Variants in ISLR2 observed in about 807,000 individuals in gnomAD.
ISLR2 encodes immunoglobulin superfamily containing leucine-rich repeat protein 2.
Under a neutral mutation model 25.5 loss-of-function variants are expected in ISLR2, and 16 were observed. The ratio of observed to expected loss-of-function variants is 0.63; its 90% CI spans 0.43 to 0.95. The LOEUF (loss-of-function observed/expected upper bound fraction) is 0.95, where lower values mean the gene tolerates loss of function less well. Among genes scored for constraint, ISLR2 ranks in the 40% least tolerant of loss-of-function variants. The pLI, the probability that ISLR2 is intolerant of heterozygous loss-of-function variation, is 0.00. For synonymous variants in ISLR2, 508 were observed against 486.6 expected (o/e 1.04, Z -0.58); for missense variants, 883 against 1,030.7 (o/e 0.86, Z 1.96).
At chr15:74,112,317 A>C (rs1189992176) in intron 2 of ISLR2, among the ~76,000 whole-genome samples, 2 of 152,198 alleles carry the variant, frequency 1.3e-5, no homozygotes, top group Non-Finnish European at 2.9e-5. Context: ...TAGGAAGCCC[A>C]GTTAAATTTA....
At chr15:74,131,066 G>C (rs2072404557) in intron 1 of ISLR2, 141 bp from the exon 2 acceptor site, 1 of 152,512 alleles carries the variant, frequency 6.6e-6, no homozygotes, top group South Asian at 2.1e-4. Flanking sequence ...CCGGGAGTGC[G>C]CAAGGACTTT....
chr15:74,134,711 G>A lies in ISLR2; in HGVS notation c.1957G>A (p.Glu653Lys), dbSNP rs756910759. The change falls in exon 3 of 3, where the codon GAG (glutamate) becomes AAG (lysine). Residue 653 changes from glutamate to lysine, a missense_variant. Coordinates refer to ENST00000453268, the MANE Select transcript of ISLR2 (RefSeq NM_020851.3). ...CTTCGACCCGCGTGCTTCGTACCTC[G>A]AGTCCGAGAAAAGCTACCCGGCAGG... ...ADFDPRASYL[E>K]SEKSYPAGGE... is the part of the protein sequence containing the mutation. 1 of 1,614,102 alleles carries A rather than the reference G, an allele frequency of 6.2e-7. No individual in the cohort carries two copies. Among genetic ancestry groups the A allele is most frequent in the Non-Finnish European group, 8.5e-7 (1 of 1,180,010 alleles).
At chr15:74,109,102 A>G (rs542150444) in intron 2 of ISLR2, among the ~76,000 whole-genome samples, 1 of 152,386 alleles carries the variant, frequency 6.6e-6, no homozygotes, top group East Asian at 1.9e-4. Flanking sequence ...ACAAAAGACC[A>G]GCAAACACCT....
chr15:74,132,960 G>A lies in ISLR2; in HGVS notation c.206G>A (p.Gly69Glu). The A allele has an allele frequency of 6.2e-7, 1 of 1,614,050 alleles. No individual in the cohort carries two copies. Among genetic ancestry groups the A allele is most frequent in the South Asian group, 1.1e-5 (1 of 91,086 alleles). ...SANKITVLRRGAFADVTQVTS... is the reference protein window; with the variant it reads ...SANKITVLRREAFADVTQVTS... ...AACAAGATCACTGTGCTGCGGCGCG[G>A]GGCCTTCGCCGACGTCACACAGGTC... Residue 69 changes from glycine to glutamate, a missense_variant, in exon 3 of 3, where the codon GGG (glycine) becomes GAG (glutamate). This residue lies in a region of ISLR2 where 271 missense variants were observed against 387.9 expected (regional missense o/e 0.70). Coordinates refer to ENST00000453268, the MANE Select transcript of ISLR2 (RefSeq NM_020851.3). This position sits in a 1 kb window ranked among gnomAD's most constrained non-coding sequence, Gnocchi z 4.3.
Position 74,134,802 on chromosome 15 carries a change from A to G in ISLR2, c.2048A>G (p.Gln683Arg), listed in dbSNP as rs761401792. The G allele has an allele frequency of 6.2e-7, 1 of 1,614,074 alleles. No individual in the cohort carries two copies. Residue 683 changes from glutamine to arginine, a missense_variant, in exon 3 of 3, where the codon CAG becomes CGG. By Grantham distance (43) the Gln-to-Arg change is conservative. Transcript: ENST00000453268. Reference protein sequence around the residue: ...QGEGLDEDAEQGDPSGDLQRE... With the variant: ...QGEGLDEDAERGDPSGDLQRE... ...GAGGGCCTTGATGAAGACGCGGAGC[A>G]GGGAGACCCAAGTGGGGACCTGCAG...
At chr15:74,117,813 C>T (rs145586786) in intron 2 of ISLR2, among the ~76,000 whole-genome samples, 2,029 of 152,340 alleles carry the variant, frequency 0.013, 88 homozygotes, top group East Asian at 0.12. Flanking sequence ...CTCTAGCCTT[C>T]CTACCAATTA....
At chr15:74,117,111 A>T (rs2072216980) in intron 2 of ISLR2, among the ~76,000 whole-genome samples, 1 of 152,116 alleles carries the variant, frequency 6.6e-6, no homozygotes, top group South Asian at 2.1e-4. Context: ...GTCAGCTCTA[A>T]TCCTATATGA....
chr15:74,113,852 C>T (rs142252972), intron 2 of ISLR2, among the ~76,000 whole-genome samples: 9 of 152,214 alleles, frequency 5.9e-5, no homozygotes, highest in Non-Finnish European at 7.3e-5. Context: ...CCACTGAAAT[C>T]GCTGTTTAGC....
chr15:74,111,592 A>G (rs1335468806), intron 2 of ISLR2, among the ~76,000 whole-genome samples: 1 of 86,536 alleles, frequency 1.2e-5, no homozygotes, highest in South Asian at 3.6e-4. Context: ...CCAGGCCTCT[A>G]TTCATTCATT....
chr15:74,135,293 A>C lies in ISLR2; in HGVS notation c.*301A>C. ...CGGTGGGCGATATCTATGTCCCTCCATTCCCGTCGCGATTATCTGCGAAAT... is the reference window on the plus strand; with the variant it reads ...CGGTGGGCGATATCTATGTCCCTCCCTTCCCGTCGCGATTATCTGCGAAAT... On this transcript the variant is annotated 3_prime_UTR_variant, in exon 3 of 3. Transcript: ENST00000453268. 1 of 341,464 alleles carries C rather than the reference A, an allele frequency of 2.9e-6. No homozygotes were observed. Among genetic ancestry groups the C allele is most frequent in the Non-Finnish European group, 5.7e-6 (1 of 174,516 alleles). 21.2% of individuals were successfully genotyped at this position (341,464 alleles called of 1,614,324 possible).
In ISLR2 at chr15:74,132,726, T is replaced by G. The variant is rs1266493382; in HGVS notation, c.-8-21T>G. 1 of 1,599,534 alleles carries G rather than the reference T, an allele frequency of 6.3e-7. No individual in the cohort carries two copies. The highest frequency in any genetic ancestry group is 1.3e-5 in the African/African-American group (1 of 74,560). ...TTCAGTGAGTCACCTTCTTTCTTCT[T>G]CACCTGGCTTCCATCTGCAGGAGCC... On this transcript the variant is annotated intron_variant, in intron 2 of 2. Coordinates refer to ENST00000453268, the MANE Select transcript of ISLR2 (RefSeq NM_020851.3). This position sits in a 1 kb window ranked among gnomAD's most constrained non-coding sequence, Gnocchi z 4.3.
intron 2 of ISLR2, among the ~76,000 whole-genome samples, chr15:74,121,405 A>T (rs558918980): frequency 1.3e-5 from 2 of 152,136 alleles, no homozygotes; most frequent in South Asian, 4.2e-4. Flanking sequence ...AGGAAAGTCT[A>T]TTTGGGGCAC....
chr15:74,127,495 G>A (rs1429571362), upstream of ISLR2: 1 of 152,298 alleles, frequency 6.6e-6, no homozygotes, highest in Non-Finnish European at 1.5e-5. Context: ...GTGGACCAGA[G>A]GTTGCTGATA....
At chr15:74,112,313 G>T (rs757088046) in intron 2 of ISLR2, among the ~76,000 whole-genome samples, 13 of 152,060 alleles carry the variant, frequency 8.5e-5, no homozygotes, top group Non-Finnish European at 1.5e-4. Flanking sequence ...AATATAGGAA[G>T]CCCAGTTAAA....
chr15:74,133,930 C>G lies in ISLR2; in HGVS notation c.1176C>G (p.Ala392=), dbSNP rs1389745026. ...PGAGGEPDGQ[A]PTSERKSTAK... Reference sequence around the variant, plus strand: ...CCGGGGGAGAACCCGACGGACAGGCCCCGACCTCTGAGCGCAAGTCCACAG... The same window carrying G: ...CCGGGGGAGAACCCGACGGACAGGCGCCGACCTCTGAGCGCAAGTCCACAG... The change falls in exon 3 of 3, where the codon GCC becomes GCG. Residue 392 remains alanine (A), a synonymous_variant. Transcript: ENST00000453268. The G allele has an allele frequency of 2.5e-6, 4 of 1,603,694 alleles. No individual in the cohort carries two copies. Among genetic ancestry groups the G allele is most frequent in the African/African-American group, 2.7e-5 (2 of 74,772 alleles).
chr15:74,103,420 T>G (rs2072095892), intron 1 of ISLR2, among the ~76,000 whole-genome samples: 2 of 148,204 alleles, frequency 1.3e-5, no homozygotes, highest in African/African-American at 5.2e-5. Context: ...CTAGCCAACA[T>G]GTCGAACCCC....
chr15:74,125,259 A>G (rs2072285660), upstream of ISLR2, among the ~76,000 whole-genome samples: 1 of 151,732 alleles, frequency 6.6e-6, no homozygotes, highest in East Asian at 1.9e-4. Context: ...TTGTTTTGAG[A>G]CAGAGTCTCA....
rs1240490873 is a variant in ISLR2, at chr15:74,112,271, C to G, written n.228+8357C>G. Among the ~76,000 whole-genome samples, 4 of 152,136 alleles carry G rather than the reference C, an allele frequency of 2.6e-5. No individual in the cohort carries two copies. The East Asian group carries it at 7.7e-4, about 29-fold the overall frequency. ...GGAAGATAGGACTCTGGACTATGTC[C>G]TGCTTGGCTTTAGAGTAGAGATGCC... On this transcript the variant is annotated intron_variant and non_coding_transcript_variant, in intron 2 of 3. Coordinates refer to the ISLR2 transcript ENST00000561975.
Position 74,133,807 on chromosome 15 carries a change from C to T in ISLR2, c.1053C>T (p.Gly351=), listed in dbSNP as rs780009017. 40 of 1,613,824 alleles carry T rather than the reference C, an allele frequency of 2.5e-5. 1 individual carries two copies. In the Admixed American group the frequency reaches 5.8e-4, roughly 24 times the overall value. The part of the protein sequence containing the change: ...LVPLLSAKEA[G]VYTCRAHNEL... ...CCCTCCTGAGTGCCAAGGAGGCGGGCGTCTACACTTGCCGTGCACACAATG... is the reference window on the plus strand; with the variant it reads ...CCCTCCTGAGTGCCAAGGAGGCGGGTGTCTACACTTGCCGTGCACACAATG... The change falls in exon 3 of 3, where the codon GGC becomes GGT. Residue 351 remains glycine, a synonymous_variant. Coordinates refer to ENST00000453268, the MANE Select transcript of ISLR2 (RefSeq NM_020851.3).
Sources: allele counts gnomAD v4.1 joint callset (sites outside exome capture counted in the v4.1 genomes callset), GRCh38; gene constraint gnomAD v4.1.1; regional missense constraint gnomAD v4.1.1; non-coding constraint Gnocchi (gnomAD v3.1); transcripts MANE v1.5; gene names NCBI Gene and HGNC (gene_info 2026-07-23, HGNC 2026-07-21).